The following NNMT variants were observed in gnomAD, a reference collection of about 807,000 sequenced individuals.
The protein encoded by NNMT is nicotinamide N-methyltransferase.
NNMT carries 10 observed loss-of-function variants against 11.7 expected under a neutral mutation model. That is an observed-to-expected ratio of 0.85 (90% CI 0.53 to 1.45). The LOEUF is 1.45. NNMT is among the 40% of genes most tolerant of loss of function. The pLI, the probability that NNMT is intolerant of heterozygous loss-of-function variation, is 0.00. For missense variants in NNMT, 381 were observed against 319.4 expected (o/e 1.19, Z -1.47); for synonymous variants, 143 against 133.8 (o/e 1.07, Z -0.48).
At chr11:114,309,612 CT>C (rs1945531182) in intron 2 of NNMT, among the ~76,000 whole-genome samples, 1 of 152,028 alleles carries the variant, frequency 6.6e-6, no homozygotes, top group Non-Finnish European at 1.5e-5. Flanking sequence ...AATATGACAG[CT>C]TATTGAGATA....
In NNMT at chr11:114,267,613, G is replaced by A. The variant is rs567436513; in HGVS notation, c.-130+4679G>A. 3.9e-5 allele frequency among the ~76,000 whole-genome samples: 6 copies of A among 152,114 alleles called. No homozygotes were observed. In the East Asian group the frequency reaches 9.7e-4, roughly 24 times the overall value. ...ATATGATCAACCCCACATAATGCCC[G>A]TCACCCAGATTCAACATCATCCAGA... On this transcript the variant is annotated intron_variant, in intron 2 of 4. Transcript: ENST00000535401.
intron 2 of NNMT, among the ~76,000 whole-genome samples, chr11:114,291,371 T>A (rs932664653): frequency 6.6e-6 from 1 of 152,246 alleles, no homozygotes; most frequent in African/African-American, 2.4e-5. Flanking sequence ...TTGGACAGAT[T>A]TACAAATTGG....
Position 114,272,125 on chromosome 11 carries a change from G to A in NNMT, c.-130+9191G>A, listed in dbSNP as rs193062302. Among the ~76,000 whole-genome samples the A allele has an allele frequency of 4.9e-4, 75 of 152,222 alleles. 1 individual carries two copies. Among genetic ancestry groups the A allele is most frequent in the East Asian group, 4.7e-3 (24 of 5,152 alleles). ...GTCTGAACTCTGTCAAGAAAGGCCCGGGGGATCAGATGGTTTGCTCCTTCC... is the reference window on the plus strand; with the variant it reads ...GTCTGAACTCTGTCAAGAAAGGCCCAGGGGATCAGATGGTTTGCTCCTTCC... On this transcript the variant is annotated intron_variant, in intron 2 of 4. Transcript: ENST00000535401.
At chr11:114,309,029 A>G (rs1290299994) in intron 2 of NNMT, among the ~76,000 whole-genome samples, 1 of 152,194 alleles carries the variant, frequency 6.6e-6, no homozygotes, top group African/African-American at 2.4e-5. Flanking sequence ...GCAATAGGGC[A>G]CGGAGGTTCG....
intron 2 of NNMT, among the ~76,000 whole-genome samples, chr11:114,264,884 A>AT (rs1945108581): frequency 1.3e-5 from 2 of 151,984 alleles, no homozygotes; most frequent in Admixed American, 1.3e-4. Flanking sequence ...GCACTTCCAT[A>AT]CCCTCCCTGG....
intron 2 of NNMT, among the ~76,000 whole-genome samples, chr11:114,302,184 A>G (rs1024030777): frequency 3.3e-5 from 5 of 152,136 alleles, no homozygotes; most frequent in Non-Finnish European, 7.4e-5. Flanking sequence ...ATTTAAATCT[A>G]CCATCTTGGT....
intron 2 of NNMT, among the ~76,000 whole-genome samples, chr11:114,280,071 G>C (rs2135255940): frequency 6.6e-6 from 1 of 152,298 alleles, no homozygotes; most frequent in East Asian, 1.9e-4. Flanking sequence ...CATGTACTGA[G>C]AGTCTGCTAT....
intron 2 of NNMT, among the ~76,000 whole-genome samples, chr11:114,283,884 A>G (rs1284230667): frequency 6.6e-6 from 1 of 152,250 alleles, no homozygotes; most frequent in Non-Finnish European, 1.5e-5. Flanking sequence ...CTTTTTACAT[A>G]GGTAATAAAC....
At position 114,312,519 on chromosome 11, in the gene NNMT, G is replaced by T; in HGVS notation, c.*42G>T. Reference sequence around the variant, plus strand: ...TAAAGCAATTCCTTTGACCTGTCCAGTTGACTTTAGTCCTTGTTTCTAACT... The same window carrying T: ...TAAAGCAATTCCTTTGACCTGTCCATTTGACTTTAGTCCTTGTTTCTAACT... On this transcript the variant is annotated 3_prime_UTR_variant, in exon 3 of 3. Coordinates refer to ENST00000299964, the MANE Select transcript of NNMT (RefSeq NM_006169.3). 1.3e-6 allele frequency: 2 copies of T among 1,566,470 alleles called. No homozygotes were observed. Among genetic ancestry groups the T allele is most frequent in the South Asian group, 2.3e-5 (2 of 86,444 alleles).
chr11:114,261,096 G>A (rs1018450161), intron 1 of NNMT, among the ~76,000 whole-genome samples: 34 of 152,180 alleles, frequency 2.2e-4, no homozygotes, highest in African/African-American at 8.0e-4. Context: ...TCTGGAAGGG[G>A]AGCTGGGGTC....
At chr11:114,306,833 G>A (rs562636241) in intron 2 of NNMT, among the ~76,000 whole-genome samples, 4 of 152,268 alleles carry the variant, frequency 2.6e-5, no homozygotes, top group South Asian at 2.1e-4. Context: ...GGCCCCTGTC[G>A]AGGTGGCAGT....
intron 2 of NNMT, among the ~76,000 whole-genome samples, chr11:114,310,215 A>G (rs1945537257): frequency 6.6e-6 from 1 of 152,192 alleles, no homozygotes; most frequent in Non-Finnish European, 1.5e-5. Context: ...ACTATTTTAC[A>G]TTGTCAGCAG....
In NNMT at chr11:114,285,001, G is replaced by GC. The variant is rs201153335; in HGVS notation, c.-129-11424dup. Among the ~76,000 whole-genome samples, 1,147 of 151,668 alleles carry GC rather than the reference G, an allele frequency of 7.6e-3. 15 individuals are homozygous for GC. The highest frequency in any genetic ancestry group is 0.026 in the African/African-American group (1,093 of 41,378). Reference sequence around the variant, plus strand: ...GAGGCTGGTCTTGAACTCCTGATCCGCCCACCTCAACCTCCAAAAGTGCTG... The same window carrying GC: ...GAGGCTGGTCTTGAACTCCTGATCCGCCCCACCTCAACCTCCAAAAGTGCTG... On this transcript the variant is annotated intron_variant, in intron 2 of 4. Transcript: ENST00000535401.
intron 2 of NNMT, among the ~76,000 whole-genome samples, chr11:114,311,193 G>C (rs1032774024): frequency 6.6e-6 from 1 of 152,184 alleles, no homozygotes; most frequent in Non-Finnish European, 1.5e-5. Flanking sequence ...GCCTGGTATG[G>C]TGGTGCAAGC....
At chr11:114,308,746 G>A (rs962800620) in intron 2 of NNMT, among the ~76,000 whole-genome samples, 2 of 152,104 alleles carry the variant, frequency 1.3e-5, no homozygotes, top group African/African-American at 4.8e-5. Flanking sequence ...TGGGTCTCTG[G>A]TGAGTCCATT....
At chr11:114,278,011 G>T (rs1945227393) in intron 2 of NNMT, among the ~76,000 whole-genome samples, 1 of 152,166 alleles carries the variant, frequency 6.6e-6, no homozygotes, top group Non-Finnish European at 1.5e-5. Context: ...ATTACTAAAA[G>T]AAGAAATATG....
At chr11:114,311,055 G>C (rs997301811) in intron 2 of NNMT, among the ~76,000 whole-genome samples, 1 of 152,176 alleles carries the variant, frequency 6.6e-6, no homozygotes, top group Non-Finnish European at 1.5e-5. Context: ...GTCAGGTGTG[G>C]TGGTGGCTCA....
intron 2 of NNMT, among the ~76,000 whole-genome samples, chr11:114,308,714 A>G (rs1199232140): frequency 6.6e-6 from 1 of 152,166 alleles, no homozygotes; most frequent in Non-Finnish European, 1.5e-5. Flanking sequence ...TGAGCTAAAC[A>G]TGAGGCAAAG....
rs60670330 is a variant in NNMT, at chr11:114,264,373, A to G, written c.-130+1439A>G. Among the ~76,000 whole-genome samples, 777 of 152,214 alleles carry G rather than the reference A, an allele frequency of 5.1e-3. 8 individuals are homozygous for G. Among genetic ancestry groups the G allele is most frequent in the African/African-American group, 0.018 (755 of 41,520 alleles). ...TTATTCCTTTAAAATTGTCTTTTCA[A>G]GTTCACTAGTGGTTCCACCATGCAA... On this transcript the variant is annotated intron_variant, in intron 2 of 4. Coordinates refer to the NNMT transcript ENST00000535401.
Sources: gnomAD v4.1 joint callset for allele counts (sites outside exome capture counted in the v4.1 genomes callset) on GRCh38, gnomAD v4.1.1 for gene constraint, MANE v1.5 for transcripts, NCBI Gene and HGNC (gene_info 2026-07-23, HGNC 2026-07-21) for gene names.